Variants in GPATCH2 observed in about 807,000 individuals in gnomAD.
The protein encoded by GPATCH2 is G patch domain-containing protein 2.
GPATCH2 carries 51 observed loss-of-function variants against 58.0 expected under a neutral mutation model. The ratio of observed to expected loss-of-function variants is 0.88; its 90% CI spans 0.70 to 1.11. The LOEUF (loss-of-function observed/expected upper bound fraction) is 1.11, where lower values mean the gene tolerates loss of function less well. Among genes scored for constraint, GPATCH2 ranks in the 50% most tolerant of loss-of-function variants. GPATCH2 has a pLI of 0.00. For synonymous variants in GPATCH2, 222 were observed against 218.5 expected, an observed-to-expected ratio of 1.02 and a Z score of -0.14; for missense variants, 625 against 652.2, an observed-to-expected ratio of 0.96 and a Z score of 0.45.
chr1:217,484,743 AATAC>A (rs1661381832), intron 8 of GPATCH2, among the ~76,000 whole-genome samples: 4 of 150,462 alleles, frequency 2.7e-5, no homozygotes, highest in Admixed American at 2.7e-4. Context: ...TATGTATATA[AATAC>A]ATAGGAGGTA....
In GPATCH2 at chr1:217,630,975, C is replaced by T; in HGVS notation, c.-4G>A. Reference sequence around the variant, plus strand: ...GGCGCCCGGCGGCCCCGAACATTAACGACACCCGGGAGCCTGGCCTCGAAG... The same window carrying T: ...GGCGCCCGGCGGCCCCGAACATTAATGACACCCGGGAGCCTGGCCTCGAAG... On this transcript the variant is annotated 5_prime_UTR_variant, in exon 1 of 10. Transcript: ENST00000366935. The T allele has an allele frequency of 1.3e-6, 2 of 1,587,744 alleles. No homozygotes were observed. The highest frequency in any genetic ancestry group is 1.1e-5 in the South Asian group (1 of 88,828).
intron 6 of GPATCH2, among the ~76,000 whole-genome samples, chr1:217,499,136 T>C (rs906744567): frequency 6.6e-6 from 1 of 152,074 alleles, no homozygotes; most frequent in Non-Finnish European, 1.5e-5. Context: ...AAACTAACTG[T>C]AAACATCAAG....
At position 217,445,046 on chromosome 1, in the gene GPATCH2, T is replaced by C. The variant is rs184017462; in HGVS notation, c.1366+4203A>G. On this transcript the variant is annotated intron_variant, in intron 9 of 9. Coordinates refer to ENST00000366935, the MANE Select transcript of GPATCH2 (RefSeq NM_018040.5). The stretch of plus-strand genomic sequence containing the variant: ...TATCAGTAGGACGTGGAGAAAAAAG[T>C]TGAAAAGTCACAAAAAGCTGTAATG... Among the ~76,000 whole-genome samples, 40 of 152,202 alleles carry C rather than the reference T, an allele frequency of 2.6e-4. No individual in the cohort carries two copies. The East Asian group carries it at 5.2e-3, about 20-fold the overall frequency.
At chr1:217,523,516 A>T (rs1247229652) in intron 5 of GPATCH2, among the ~76,000 whole-genome samples, 1 of 151,572 alleles carries the variant, frequency 6.6e-6, no homozygotes, top group Non-Finnish European at 1.5e-5. Context: ...ACAGGATCCC[A>T]AGGCAGAAGA....
chr1:217,559,771 A>G (rs994327982), intron 5 of GPATCH2, among the ~76,000 whole-genome samples: 1 of 151,564 alleles, frequency 6.6e-6, no homozygotes, highest in African/African-American at 2.4e-5. Flanking sequence ...GACAGACACC[A>G]CAACAAGTGA....
chr1:217,548,742 T>A (rs896726845), intron 5 of GPATCH2, among the ~76,000 whole-genome samples: 3 of 152,134 alleles, frequency 2.0e-5, no homozygotes, highest in Admixed American at 2.0e-4. Flanking sequence ...GAGTGAGTTC[T>A]CATGAGATCT....
intron 8 of GPATCH2, among the ~76,000 whole-genome samples, chr1:217,477,973 T>G (rs1661040068): frequency 6.6e-6 from 1 of 152,182 alleles, no homozygotes; most frequent in Non-Finnish European, 1.5e-5. Context: ...TATGTATGAC[T>G]GGGAGAAAGT....
chr1:217,628,211 G>C (rs1486454406), intron 1 of GPATCH2, among the ~76,000 whole-genome samples: 3 of 151,794 alleles, frequency 2.0e-5, no homozygotes, highest in Admixed American at 6.6e-5. Context: ...CTAAATGACT[G>C]AACAAAAAAC....
At chr1:217,536,651 A>G (rs930402597) in intron 5 of GPATCH2, among the ~76,000 whole-genome samples, 6 of 152,152 alleles carry the variant, frequency 3.9e-5, no homozygotes, top group African/African-American at 1.4e-4. Flanking sequence ...AAGTACACTA[A>G]ATCTGTAATC....
chr1:217,519,963 C>T (rs1220135060), intron 5 of GPATCH2, among the ~76,000 whole-genome samples: 6 of 152,008 alleles, frequency 3.9e-5, no homozygotes, highest in Non-Finnish European at 8.8e-5. Flanking sequence ...CCTCTAATTC[C>T]AAGGGTTTTT....
chr1:217,494,445 T>A (rs2102539128), intron 7 of GPATCH2, among the ~76,000 whole-genome samples: 1 of 152,294 alleles, frequency 6.6e-6, no homozygotes, highest in East Asian at 1.9e-4. Flanking sequence ...TATTTGCATT[T>A]AGAAGGCTCC....
rs1468976951 is a variant in GPATCH2 at position 217,569,640 on chromosome 1, A to G, written c.1098+40681T>C. ...AACCTGGGAGATGGAGGTTGCAGTG[A>G]GCGAAGACTGCACCATTGCACTACA... On this transcript the variant is annotated intron_variant, in intron 5 of 9. Coordinates refer to ENST00000366935, the MANE Select transcript of GPATCH2 (RefSeq NM_018040.5). 2.6e-5 allele frequency among the ~76,000 whole-genome samples: 4 copies of G among 152,342 alleles called. No homozygotes were observed. In the East Asian group the frequency reaches 5.8e-4, roughly 22 times the overall value.
chr1:217,473,950 T>G lies in GPATCH2; in HGVS notation c.1277+17730A>C, dbSNP rs1660852749. Among the ~76,000 whole-genome samples, 2 of 152,122 alleles carry G rather than the reference T, an allele frequency of 1.3e-5. 1 individual carries two copies. The highest frequency in any genetic ancestry group is 1.3e-4 in the Admixed American group (2 of 15,272). On this transcript the variant is annotated intron_variant, in intron 8 of 9. Coordinates refer to ENST00000366935, the MANE Select transcript of GPATCH2 (RefSeq NM_018040.5). ...ATATCACTTGAATCAATTAGAAAAA[T>G]TAAATCCATATTAAGAATCAGTGTG...
intron 6 of GPATCH2, among the ~76,000 whole-genome samples, chr1:217,513,989 T>G (rs1662990975): frequency 6.6e-6 from 1 of 151,800 alleles, no homozygotes. Flanking sequence ...CACGACCAGC[T>G]AATTTTTGTA....
intron 5 of GPATCH2, chr1:217,609,203 ATTTTC>A (rs1024475031): frequency 1.2e-5 from 12 of 983,850 alleles, no homozygotes; most frequent in Non-Finnish European, 1.4e-5. Context: ...GAAACATTAC[ATTTTC>A]CCCCCAGTTG....
At chr1:217,630,394 C>T (rs921094424) in intron 1 of GPATCH2, among the ~76,000 whole-genome samples, 1 of 152,156 alleles carries the variant, frequency 6.6e-6, no homozygotes, top group Non-Finnish European at 1.5e-5. Flanking sequence ...AGCCCCCATA[C>T]ATATCTCACT....
At chr1:217,614,791 T>A (rs531513138) in intron 2 of GPATCH2, among the ~76,000 whole-genome samples, 4,030 of 145,660 alleles carry the variant, frequency 0.028, 87 homozygotes, top group Middle Eastern at 0.05. Flanking sequence ...AAAAAAAAAA[T>A]AATATTACAA....
intron 6 of GPATCH2, among the ~76,000 whole-genome samples, chr1:217,505,820 T>C (rs193182459): frequency 3.0e-4 from 45 of 152,220 alleles, no homozygotes; most frequent in African/African-American, 1.0e-3. Context: ...AATTAATTAA[T>C]TTATTTTTAT....
At chr1:217,596,943 A>G (rs1049914444) in intron 5 of GPATCH2, among the ~76,000 whole-genome samples, 3 of 152,192 alleles carry the variant, frequency 2.0e-5, no homozygotes, top group Non-Finnish European at 2.9e-5. Flanking sequence ...TATTTATTTC[A>G]GCTTCCTCCC....
Sources: gnomAD v4.1 joint callset for allele counts (sites outside exome capture counted in the v4.1 genomes callset) on GRCh38, gnomAD v4.1.1 for gene constraint, MANE v1.5 for transcripts, NCBI Gene and HGNC (gene_info 2026-07-23, HGNC 2026-07-21) for gene names.